Variants in CMIP observed in about 807,000 individuals in gnomAD.
The protein encoded by CMIP is c-Maf inducing protein, also known as C-Maf-inducing protein.
A neutral mutation model predicts 97.3 loss-of-function variants in CMIP; 13 were observed. That is an observed-to-expected ratio of 0.13 (90% CI 0.09 to 0.21). The LOEUF (loss-of-function observed/expected upper bound fraction) is 0.21, where lower values mean the gene tolerates loss of function less well. CMIP is among the 10% of genes least tolerant of loss of function. CMIP has a pLI of 1.00. For missense variants in CMIP, 847 were observed against 1,024.9 expected (o/e 0.83, Z 2.37); for synonymous variants, 538 against 436.3 (o/e 1.23, Z -2.91).
intron 4 of CMIP, among the ~76,000 whole-genome samples, chr16:81,653,390 C>A (rs900538111): frequency 4.1e-4 from 62 of 152,218 alleles, no homozygotes; most frequent in African/African-American, 1.4e-3. Flanking sequence ...TAGAGAAGGT[C>A]CCTCACTCCA....
At chr16:81,541,135 A>G (rs1431120433) in intron 1 of CMIP, among the ~76,000 whole-genome samples, 4 of 152,192 alleles carry the variant, frequency 2.6e-5, no homozygotes, top group Admixed American at 2.0e-4. Flanking sequence ...GTGCCTTAAC[A>G]GAAAAGTCTG....
intron 1 of CMIP, among the ~76,000 whole-genome samples, chr16:81,452,162 G>A (rs1313703503): frequency 6.6e-6 from 1 of 152,196 alleles, no homozygotes; most frequent in Non-Finnish European, 1.5e-5. Context: ...TGTGCAGTGA[G>A]GCCACAGGAA....
At chr16:81,588,516 G>A (rs141972162) in intron 1 of CMIP, among the ~76,000 whole-genome samples, 2,880 of 152,284 alleles carry the variant, frequency 0.019, 55 homozygotes, top group Admixed American at 0.061. Flanking sequence ...AGTAGCCCCA[G>A]TGCTTCTCCA....
rs751441049 is a variant in CMIP, at chr16:81,652,163, G to C, written c.478-40G>C. 1.3e-6 allele frequency: 2 copies of C among 1,536,354 alleles called. No homozygotes were observed. Among genetic ancestry groups the C allele is most frequent in the Non-Finnish European group, 1.8e-6 (2 of 1,111,724 alleles). On this transcript the variant is annotated intron_variant, in intron 3 of 20. Coordinates refer to ENST00000537098, the MANE Select transcript of CMIP (RefSeq NM_198390.3). The surrounding 1 kb of genome is among the most constrained non-coding windows in gnomAD (Gnocchi z 5.2). ...GTCTTCCATCTTCTGCCTTCCTTACGTGAGTAACATGTTGCTGTCTCTTTA... is the reference window on the plus strand; with the variant it reads ...GTCTTCCATCTTCTGCCTTCCTTACCTGAGTAACATGTTGCTGTCTCTTTA...
At chr16:81,527,411 T>C (rs2090153401) in intron 1 of CMIP, among the ~76,000 whole-genome samples, 1 of 152,130 alleles carries the variant, frequency 6.6e-6, no homozygotes, top group South Asian at 2.1e-4. Context: ...AGAATCTAGG[T>C]GGTGGGTGTA....
At chr16:81,649,775 G>A (rs1244968259) in intron 3 of CMIP, among the ~76,000 whole-genome samples, 7 of 144,704 alleles carry the variant, frequency 4.8e-5, no homozygotes, top group African/African-American at 1.0e-4. Context: ...GGTGTGGATC[G>A]CTGTGGTTTG....
At chr16:81,474,763 C>T (rs1907786947) in intron 1 of CMIP, among the ~76,000 whole-genome samples, 2 of 152,364 alleles carry the variant, frequency 1.3e-5, no homozygotes, top group Non-Finnish European at 2.9e-5. Flanking sequence ...GCCTCTCCTG[C>T]ACGCCCTTCC....
chr16:81,488,181 G>C (rs1173448023), intron 1 of CMIP, among the ~76,000 whole-genome samples: 3 of 152,108 alleles, frequency 2.0e-5, no homozygotes, highest in Non-Finnish European at 2.9e-5. Flanking sequence ...TTATGGTTCT[G>C]ATTAGCTCCG....
intron 1 of CMIP, among the ~76,000 whole-genome samples, chr16:81,594,273 A>G (rs956748908): frequency 3.3e-5 from 5 of 150,458 alleles, no homozygotes; most frequent in African/African-American, 1.2e-4. Flanking sequence ...ACCCACCACC[A>G]TGCCTGGCTA....
At chr16:81,698,264 A>G (rs4889367) in intron 14 of CMIP, 13,573 of 152,298 alleles carry the variant, frequency 0.089, 666 homozygotes, top group East Asian at 0.17. Context: ...AGGAAAGCCA[A>G]TGGGGTGTCG....
At chr16:81,683,769 T>A (rs2151066762) in intron 10 of CMIP, among the ~76,000 whole-genome samples, 1 of 138,068 alleles carries the variant, frequency 7.2e-6, no homozygotes, top group African/African-American at 2.7e-5. Flanking sequence ...TTTTTTTTTT[T>A]TTTTTTTTTT....
At chr16:81,448,285 T>C (rs1014951155) in intron 1 of CMIP, among the ~76,000 whole-genome samples, 1 of 152,258 alleles carries the variant, frequency 6.6e-6, no homozygotes. Flanking sequence ...GAGTGATTGA[T>C]AGGGATTCAA....
chr16:81,576,439 CAGAAA>C (rs992953904), intron 1 of CMIP, among the ~76,000 whole-genome samples: 2 of 151,978 alleles, frequency 1.3e-5, no homozygotes, highest in African/African-American at 4.8e-5. Flanking sequence ...AAACAAAAAA[CAGAAA>C]AGAAAAGAAT....
At chr16:81,601,740 G>A (rs148412020) in intron 1 of CMIP, among the ~76,000 whole-genome samples, 29 of 152,202 alleles carry the variant, frequency 1.9e-4, no homozygotes, top group African/African-American at 5.8e-4. Context: ...GGAAGGCAGC[G>A]TCCCCCGGGG....
intron 3 of CMIP, chr16:81,631,126 G>A (rs888775269): frequency 2.0e-5 from 3 of 152,352 alleles, no homozygotes; most frequent in African/African-American, 7.2e-5. Flanking sequence ...TTGGGAAAGA[G>A]AGCTCATGTC....
chr16:81,663,304 A>AG (rs2092567590), intron 6 of CMIP, among the ~76,000 whole-genome samples: 1 of 152,080 alleles, frequency 6.6e-6, no homozygotes, highest in South Asian at 2.1e-4. Context: ...AGCACTAAAA[A>AG]AAAAAACGAG....
intron 1 of CMIP, among the ~76,000 whole-genome samples, chr16:81,451,541 T>G (rs551719418): frequency 6.6e-6 from 1 of 152,366 alleles, no homozygotes; most frequent in East Asian, 1.9e-4. Flanking sequence ...GTTCTTTTGC[T>G]TAATTCTTTG....
At chr16:81,447,392 C>T (rs554416648) in intron 1 of CMIP, among the ~76,000 whole-genome samples, 5 of 152,202 alleles carry the variant, frequency 3.3e-5, no homozygotes, top group East Asian at 3.9e-4. Context: ...CCGCTGCTAC[C>T]GTCCTGTTTC....
chr16:81,573,298 C>T (rs1464627654), intron 1 of CMIP, among the ~76,000 whole-genome samples: 6 of 151,132 alleles, frequency 4.0e-5, no homozygotes, highest in Non-Finnish European at 7.4e-5. Flanking sequence ...GAGCCGAGAT[C>T]GCGTCACTGC....
Sources: gnomAD v4.1 joint callset for allele counts (sites outside exome capture counted in the v4.1 genomes callset) on GRCh38, gnomAD v4.1.1 for gene constraint, Gnocchi (gnomAD v3.1) non-coding constraint, MANE v1.5 for transcripts, NCBI Gene and HGNC (gene_info 2026-07-23, HGNC 2026-07-21) for gene names.